The following DNM3 variants were observed in gnomAD, a reference collection of about 807,000 sequenced individuals.
DNM3 encodes the protein dynamin-3.
Under a neutral mutation model 101.6 loss-of-function variants are expected in DNM3, and 47 were observed. The observed-to-expected ratio is 0.46, with a 90% CI of 0.37 to 0.59. The LOEUF is 0.59. Ranked by LOEUF, DNM3 falls within the 20% of genes least tolerant of loss-of-function variation. The pLI is 0.00. For synonymous variants in DNM3, 385 were observed against 387.9 expected (o/e 0.99, Z 0.09); for missense variants, 849 against 1,085.7 (o/e 0.78, Z 3.06).
intron 1 of DNM3, among the ~76,000 whole-genome samples, chr1:171,879,686 C>G (rs1187260370): frequency 1.3e-5 from 2 of 152,150 alleles, no homozygotes; most frequent in Non-Finnish European, 2.9e-5. Flanking sequence ...CATTATTACT[C>G]CTAGGAAGCT....
chr1:171,841,625 G>A lies in DNM3; in HGVS notation c.-32G>A, dbSNP rs759878201. On this transcript the variant is annotated 5_prime_UTR_variant, in exon 1 of 21. Transcript: ENST00000627582. ...CCCTGTCAGGTCGTAGAGGCGAGCA[G>A]GGACCAGCTGGTCGCCGGCCCCTCG... is the stretch of plus-strand genomic sequence containing the variant. 7.5e-6 allele frequency: 12 copies of A among 1,595,626 alleles called. No individual in the cohort carries two copies. The Admixed American group carries it at 1.6e-4, about 21-fold the overall frequency.
chr1:171,918,934 T>G (rs1275804446), intron 1 of DNM3, among the ~76,000 whole-genome samples: 1 of 152,218 alleles, frequency 6.6e-6, no homozygotes, highest in African/African-American at 2.4e-5. Flanking sequence ...GGTCTCAGCA[T>G]GAAGATATAA....
intron 15 of DNM3, among the ~76,000 whole-genome samples, chr1:172,260,145 A>G (rs2148709334): frequency 6.6e-6 from 1 of 152,186 alleles, no homozygotes; most frequent in African/African-American, 2.4e-5. Flanking sequence ...TGAAGATATC[A>G]TCCCATTCTC....
chr1:172,339,793 C>T (rs1453261698), intron 17 of DNM3, among the ~76,000 whole-genome samples: 1 of 152,124 alleles, frequency 6.6e-6, no homozygotes, highest in African/African-American at 2.4e-5. Flanking sequence ...CTGCTAGGTG[C>T]TAAGAATAAA....
intron 2 of DNM3, among the ~76,000 whole-genome samples, chr1:171,977,184 A>G (rs755569509): frequency 6.6e-6 from 1 of 152,238 alleles, no homozygotes; most frequent in African/African-American, 2.4e-5. Flanking sequence ...TTAGCTGATT[A>G]TCAAGAGGAA....
intron 2 of DNM3, among the ~76,000 whole-genome samples, chr1:171,946,224 T>G (rs1436239105): frequency 6.6e-6 from 1 of 152,184 alleles, no homozygotes; most frequent in Non-Finnish European, 1.5e-5. Flanking sequence ...ACCTGGGGCC[T>G]GCAAATGAAA....
At chr1:171,909,666 T>C (rs1347452645) in intron 1 of DNM3, among the ~76,000 whole-genome samples, 1 of 152,152 alleles carries the variant, frequency 6.6e-6, no homozygotes, top group Non-Finnish European at 1.5e-5. Flanking sequence ...CCAGATCCCA[T>C]GTTGTCATAT....
At chr1:171,843,057 G>T (rs753310338) in intron 1 of DNM3, among the ~76,000 whole-genome samples, 1 of 152,094 alleles carries the variant, frequency 6.6e-6, no homozygotes, top group African/African-American at 2.4e-5. Flanking sequence ...TTTTGTTAGT[G>T]CTTGGTGATG....
intron 4 of DNM3, among the ~76,000 whole-genome samples, chr1:172,012,811 A>G (rs2047214092): frequency 6.6e-6 from 1 of 152,022 alleles, no homozygotes; most frequent in Non-Finnish European, 1.5e-5. Context: ...ATACAGTAAT[A>G]TTACCTGATG....
At chr1:172,316,976 C>G (rs565300540) in intron 16 of DNM3, among the ~76,000 whole-genome samples, 1 of 152,150 alleles carries the variant, frequency 6.6e-6, no homozygotes, top group African/African-American at 2.4e-5. Context: ...CAAAATTGAC[C>G]ACATACTGGG....
chr1:172,241,239 ATGTGTG>A (rs1262155821), intron 14 of DNM3, among the ~76,000 whole-genome samples: 4 of 148,342 alleles, frequency 2.7e-5, no homozygotes, highest in Admixed American at 6.8e-5. Flanking sequence ...ATATACATAG[ATGTGTG>A]TGTGTGTGTG....
chr1:172,068,333 T>C (rs1262408267), intron 10 of DNM3, among the ~76,000 whole-genome samples: 2 of 151,934 alleles, frequency 1.3e-5, no homozygotes, highest in Non-Finnish European at 2.9e-5. Flanking sequence ...TGTCTCAAAA[T>C]AAATAAATAA....
chr1:171,925,406 A>G (rs1295940470), intron 2 of DNM3, among the ~76,000 whole-genome samples: 1 of 150,582 alleles, frequency 6.6e-6, no homozygotes, highest in African/African-American at 2.4e-5. Context: ...TTTTTTTTGT[A>G]TTTTTAGTAG....
rs1411037475 is a variant in DNM3, at chr1:172,080,012, C to T, written c.1423-1820C>T. Reference sequence around the variant, plus strand: ...CTCTGGAAGCTTTGTCCCAGAGGGGCACCCACCAGATGCCAGCCGGGGGTC... The same window carrying T: ...CTCTGGAAGCTTTGTCCCAGAGGGGTACCCACCAGATGCCAGCCGGGGGTC... On this transcript the variant is annotated intron_variant, in intron 11 of 20. Transcript: ENST00000627582. 2.0e-5 allele frequency among the ~76,000 whole-genome samples: 3 copies of T among 152,200 alleles called. No homozygotes were observed. In the South Asian group the frequency reaches 6.2e-4, roughly 32 times the overall value.
intron 13 of DNM3, among the ~76,000 whole-genome samples, chr1:172,106,326 C>T (rs2055008696): frequency 6.6e-6 from 1 of 152,018 alleles, no homozygotes; most frequent in African/African-American, 2.4e-5. Context: ...GAGGCTGAGG[C>T]AGGAGAATTG....
At chr1:172,372,273 A>T (rs1245454645) in intron 17 of DNM3, among the ~76,000 whole-genome samples, 1 of 151,944 alleles carries the variant, frequency 6.6e-6, no homozygotes, top group Non-Finnish European at 1.5e-5. Context: ...TGTATGATCC[A>T]GTTTTTCTTA....
chr1:172,183,594 AC>A (rs2059418155), intron 14 of DNM3, among the ~76,000 whole-genome samples: 1 of 151,600 alleles, frequency 6.6e-6, no homozygotes, highest in Non-Finnish European at 1.5e-5. Flanking sequence ...ATACATTCAA[AC>A]TTTTTTAAAT....
chr1:172,047,857 C>T (rs998504434), intron 9 of DNM3, among the ~76,000 whole-genome samples: 1 of 152,074 alleles, frequency 6.6e-6, no homozygotes, highest in Admixed American at 6.6e-5. Context: ...GGACCCAGTG[C>T]CAAAGCCTGG....
chr1:171,914,575 C>T (rs1376573372), intron 1 of DNM3, among the ~76,000 whole-genome samples: 1 of 152,046 alleles, frequency 6.6e-6, no homozygotes, highest in Admixed American at 6.5e-5. Context: ...ATAATATTGG[C>T]CCACCTAGTA....
Sources: gnomAD v4.1 joint callset for allele counts (sites outside exome capture counted in the v4.1 genomes callset) on GRCh38, gnomAD v4.1.1 for gene constraint, MANE v1.5 for transcripts, NCBI Gene and HGNC (gene_info 2026-07-23, HGNC 2026-07-21) for gene names.